The following ZMYM1 variants were observed in gnomAD, a reference collection of about 807,000 sequenced individuals.
The protein encoded by ZMYM1 is zinc finger MYM-type containing 1.
Under a neutral mutation model 60.0 loss-of-function variants are expected in ZMYM1, and 39 were observed. The observed-to-expected ratio is 0.65, with a 90% CI of 0.50 to 0.85. ZMYM1 has a LOEUF of 0.85. Ranked by LOEUF, ZMYM1 falls within the 40% of genes least tolerant of loss-of-function variation. The pLI is 0.00. For missense variants in ZMYM1, 1,171 were observed against 1,309.5 expected (o/e 0.89, Z 1.63); for synonymous variants, 413 against 454.0 (o/e 0.91, Z 1.15).
chr1:35,088,749 CCAAA>C (rs1157682372), intron 1 of ZMYM1, among the ~76,000 whole-genome samples: 1 of 150,570 alleles, frequency 6.6e-6, no homozygotes, highest in East Asian at 1.9e-4. Context: ...CTTCTTATAG[CCAAA>C]CAAATGTTGC....
chr1:35,088,245 C>T (rs868096360), intron 1 of ZMYM1, among the ~76,000 whole-genome samples: 10 of 151,698 alleles, frequency 6.6e-5, no homozygotes, highest in African/African-American at 1.4e-4. Flanking sequence ...TGGTGAAAAC[C>T]CGTCTCTACT....
rs1641899132 is a variant in ZMYM1, at chr1:35,062,775, A to G, written c.-301+2850A>G. Among the ~76,000 whole-genome samples the G allele has an allele frequency of 3.3e-5, 5 of 152,368 alleles. No individual in the cohort carries two copies. In the South Asian group the frequency reaches 1.0e-3, roughly 32 times the overall value. ...TTACAAAACGATGAGAAGCTAAGAT[A>G]AAAGGTTTAGACAATAGGCAGAACC... On this transcript the variant is annotated intron_variant, in intron 1 of 10. Transcript: ENST00000417119.
intron 1 of ZMYM1, among the ~76,000 whole-genome samples, chr1:35,079,804 A>G (rs1642272869): frequency 6.6e-6 from 1 of 152,166 alleles, no homozygotes; most frequent in African/African-American, 2.4e-5. Flanking sequence ...TTCATTGAGC[A>G]GTGATTTTTC....
At chr1:35,079,878 C>T (rs915497351) in intron 1 of ZMYM1, among the ~76,000 whole-genome samples, 7 of 152,202 alleles carry the variant, frequency 4.6e-5, no homozygotes, top group African/African-American at 1.7e-4. Flanking sequence ...TTGGGAGGCC[C>T]AGGCGGGCGG....
chr1:35,110,417 T>C lies in ZMYM1; in HGVS notation c.931T>C (p.Tyr311His), dbSNP rs1226602328. 6 of 1,562,250 alleles carry C rather than the reference T, an allele frequency of 3.8e-6. No individual in the cohort carries two copies. The highest frequency in any genetic ancestry group is 5.2e-6 in the Non-Finnish European group (6 of 1,156,504). ...LFCSINCFSA[Y>H]SKAKMESSSV... ...CTGCTCTATTAATTGTTTCTCTGCA[T>C]ACAGTAAAGCTAAGATGGAATCTTC... The change falls in exon 7 of 10, where the codon TAC becomes CAC. Residue 311 changes from tyrosine to histidine, a missense_variant. By Grantham distance (83) the Tyr-to-His change is moderately conservative (BLOSUM62 2). Coordinates refer to ENST00000359858, the MANE Select transcript of ZMYM1 (RefSeq NM_024772.5).
intron 1 of ZMYM1, among the ~76,000 whole-genome samples, chr1:35,090,358 G>A (rs1178604539): frequency 6.6e-6 from 1 of 152,116 alleles, no homozygotes; most frequent in Non-Finnish European, 1.5e-5. Context: ...AAGGAAAAAG[G>A]AGAAAAGAAG....
upstream of ZMYM1, among the ~76,000 whole-genome samples, chr1:35,075,922 C>T (rs1292071465): frequency 6.6e-6 from 1 of 152,182 alleles, no homozygotes; most frequent in East Asian, 1.9e-4. Context: ...CAACCAATCA[C>T]CCAATTCCCC....
chr1:35,084,132 A>G (rs1383420862), intron 1 of ZMYM1, among the ~76,000 whole-genome samples: 1 of 151,224 alleles, frequency 6.6e-6, no homozygotes, highest in African/African-American at 2.4e-5. Context: ...CATCGATTGA[A>G]TTCTTAACTT....
chr1:35,088,464 G>C (rs370615910), intron 1 of ZMYM1, among the ~76,000 whole-genome samples: 1 of 85,800 alleles, frequency 1.2e-5, no homozygotes, highest in Non-Finnish European at 3.0e-5. Flanking sequence ...ATGTGTGTGT[G>C]TGTGTGTGTG....
At chr1:35,090,190 GCCA>G (rs1642921926) in intron 1 of ZMYM1, among the ~76,000 whole-genome samples, 1 of 152,120 alleles carries the variant, frequency 6.6e-6, no homozygotes, top group African/African-American at 2.4e-5. Context: ...ACAGGCGTGA[GCCA>G]CCGAGCCTGG....
downstream of ZMYM1, among the ~76,000 whole-genome samples, chr1:35,116,814 G>GTA (rs1362660441): frequency 4.2e-5 from 6 of 143,302 alleles, no homozygotes; most frequent in South Asian, 4.5e-4. Context: ...GAATTAAGTG[G>GTA]TATATATATC....
rs139315344 is a variant in ZMYM1 at position 35,110,065 on chromosome 1, A to G, written c.808-229A>G. Among the ~76,000 whole-genome samples, 21 of 152,212 alleles carry G rather than the reference A, an allele frequency of 1.4e-4. No homozygotes were observed. The East Asian group carries it at 3.7e-3, about 27-fold the overall frequency. ...ACCTGGCCTTACTGCTTTCATAGGT[A>G]TTATTATTATTGCTGTTAAATATAT... On this transcript the variant is annotated intron_variant, in intron 6 of 9. Transcript: ENST00000359858.
At chr1:35,062,694 C>T (rs1159738639) in intron 1 of ZMYM1, among the ~76,000 whole-genome samples, 2 of 152,110 alleles carry the variant, frequency 1.3e-5, no homozygotes, top group Non-Finnish European at 2.9e-5. Context: ...CAACAGAAAC[C>T]GGGTCTGGTT....
intron 1 of ZMYM1, among the ~76,000 whole-genome samples, chr1:35,081,670 G>T (rs1642393932): frequency 6.6e-6 from 1 of 152,004 alleles, no homozygotes; most frequent in African/African-American, 2.4e-5. Flanking sequence ...ATATTTTTCT[G>T]TTCTAGTATA....
chr1:35,110,493 ATAAT>A, intron 7 of ZMYM1, 46 bp downstream of exon 7: 1 of 1,282,362 alleles, frequency 7.8e-7, no homozygotes, highest in Non-Finnish European at 1.0e-6. Flanking sequence ...TTATTAATAA[ATAAT>A]ATTATTTGAC....
intron 1 of ZMYM1, among the ~76,000 whole-genome samples, chr1:35,064,456 T>C (rs1485989066): frequency 6.6e-6 from 1 of 151,968 alleles, no homozygotes; most frequent in Admixed American, 6.6e-5. Flanking sequence ...CAATTGGATC[T>C]AATTTACATT....
At chr1:35,073,086 AAAAAAATAC>A (rs1459741087) in intron 1 of ZMYM1, among the ~76,000 whole-genome samples, 2 of 151,174 alleles carry the variant, frequency 1.3e-5, no homozygotes, top group African/African-American at 2.4e-5. Context: ...CATCTCGAAA[AAAAAAATAC>A]AAAAAATACG....
At chr1:35,076,946 A>G (rs529381629), upstream of ZMYM1, among the ~76,000 whole-genome samples, 60 of 132,134 alleles carry the variant, frequency 4.5e-4, no homozygotes, top group Middle Eastern at 3.7e-3. Flanking sequence ...AAAAAAAAAA[A>G]AAAAGAAAAG....
chr1:35,118,463 C>T (rs1174419181), downstream of ZMYM1, among the ~76,000 whole-genome samples: 7 of 152,130 alleles, frequency 4.6e-5, no homozygotes, highest in South Asian at 2.1e-4. Context: ...TGGTGGCTCA[C>T]GCCTGTAATC....
Sources: allele counts gnomAD v4.1 joint callset (sites outside exome capture counted in the v4.1 genomes callset), GRCh38; gene constraint gnomAD v4.1.1; transcripts MANE v1.5; gene names NCBI Gene and HGNC (gene_info 2026-07-23, HGNC 2026-07-21).